ZNF646: variants seen among roughly 807,000 people sequenced by gnomAD.
The protein encoded by ZNF646 is zinc finger protein 646.
ZNF646 carries 49 observed loss-of-function variants against 115.4 expected under a neutral mutation model. The observed-to-expected ratio is 0.42, with a 90% CI of 0.34 to 0.54. The LOEUF (loss-of-function observed/expected upper bound fraction) is 0.54, where lower values mean the gene tolerates loss of function less well. Among genes scored for constraint, ZNF646 ranks in the 20% least tolerant of loss-of-function variants. The pLI is 0.04. For synonymous variants in ZNF646, 933 were observed against 939.0 expected, an observed-to-expected ratio of 0.99 and a Z score of 0.12; for missense variants, 2,269 against 2,457.9, an observed-to-expected ratio of 0.92 and a Z score of 1.62.
At position 31,078,984 on chromosome 16, in the gene ZNF646, G is replaced by A. The variant is rs770774602; in HGVS notation, c.2660G>A (p.Gly887Asp). Reference protein sequence around the residue: ...SAQPFLCCLCGMIFPGRAGYR... With the variant: ...SAQPFLCCLCDMIFPGRAGYR... ...CAGCCTTTCCTCTGCTGCCTCTGTG[G>A]CATGATCTTCCCTGGGCGGGCTGGC... Residue 887 changes from glycine to aspartate, a missense_variant, in exon 2 of 3, where the codon GGC becomes GAC. This residue lies in a region of ZNF646 where 852 missense variants were observed against 900.2 expected (regional missense o/e 0.95). Transcript: ENST00000300850. 3 of 1,605,634 alleles carry A rather than the reference G, an allele frequency of 1.9e-6. No individual in the cohort carries two copies. The highest frequency in any genetic ancestry group is 2.2e-5 in the South Asian group (2 of 90,742).
In ZNF646 at chr16:31,081,125, G is replaced by C; in HGVS notation, c.4801G>C (p.Ala1601Pro). The change falls in exon 2 of 3, where the codon GCC becomes CCC. Residue 1601 changes from alanine to proline, a missense_variant. Physicochemically the swap from Ala to Pro is conservative, Grantham distance 27. Transcript: ENST00000300850. ...AGCCTTTGAGTCCCACCAGGAACTG[G>C]CCAGCCACCTGCAGGCTCATGCCCG... ...GKAFESHQEL[A>P]SHLQAHARGH... The C allele has an allele frequency of 6.2e-7, 1 of 1,609,154 alleles. No homozygotes were observed. The highest frequency in any genetic ancestry group is 1.3e-5 in the African/African-American group (1 of 74,908).
chr16:31,077,262 A>G lies in ZNF646; in HGVS notation c.938A>G (p.Gln313Arg). 1 of 1,614,114 alleles carries G rather than the reference A, an allele frequency of 6.2e-7. No homozygotes were observed. The highest frequency in any genetic ancestry group is 8.5e-7 in the Non-Finnish European group (1 of 1,180,026). The change falls in exon 2 of 3, where the codon CAG becomes CGG. Residue 313 changes from glutamine to arginine, a missense_variant. By Grantham distance (43) the Gln-to-Arg change is conservative (BLOSUM62 1). Around this residue, in one of 5 missense-constraint regions of ZNF646, gnomAD observed 852 missense variants for 900.2 expected, o/e 0.95. Transcript: ENST00000300850. ...FRLPRELLEHQQSHEGERQEP... is the reference protein window; with the variant it reads ...FRLPRELLEHRQSHEGERQEP... ...CTCCCCCGGGAGCTGCTGGAACACC[A>G]GCAGTCCCATGAGGGTGAAAGGCAG...
chr16:31,079,240 C>A lies in ZNF646; in HGVS notation c.2916C>A (p.Ser972Arg), dbSNP rs2057121990. ...CCGQTYDDLG[S>R]LERHHQSQSS... ...GTCAGACCTACGATGACCTGGGGAG[C>A]CTGGAGCGTCACCACCAAAGTCAGA... is the stretch of plus-strand genomic sequence containing the variant. The change falls in exon 2 of 3, where the codon AGC (serine) becomes AGA (arginine). Residue 972 changes from serine to arginine, a missense_variant. This residue lies in a region of ZNF646 where 1,062 missense variants were observed against 1,172.8 expected (regional missense o/e 0.91). Coordinates refer to ENST00000300850, the MANE Select transcript of ZNF646 (RefSeq NM_014699.4). The surrounding 1 kb of genome is among the most constrained non-coding windows in gnomAD (Gnocchi z 5.5). The A allele has an allele frequency of 6.2e-7, 1 of 1,613,688 alleles. No homozygotes were observed. The highest frequency in any genetic ancestry group is 1.7e-5 in the Admixed American group (1 of 60,012).
Position 31,078,807 on chromosome 16 carries a change from A to G in ZNF646, c.2483A>G (p.His828Arg). Reference sequence around the variant, plus strand: ...GCTCACACATGCTCTGACTGTGGGCATTCTTTCCCCCATGCCACTGGCCTG... The same window carrying G: ...GCTCACACATGCTCTGACTGTGGGCGTTCTTTCCCCCATGCCACTGGCCTG... ...GAAHTCSDCG[H>R]SFPHATGLLS... Residue 828 changes from histidine to arginine, a missense_variant, in exon 2 of 3, where the codon CAT (histidine) becomes CGT (arginine). Physicochemically the swap from His to Arg is conservative, Grantham distance 29. Transcript: ENST00000300850. The G allele has an allele frequency of 6.2e-7, 1 of 1,613,940 alleles. No individual in the cohort carries two copies. The highest frequency in any genetic ancestry group is 8.5e-7 in the Non-Finnish European group (1 of 1,179,988).
rs2057053671 is a variant in ZNF646, at chr16:31,074,641, C to G, written c.-80+10C>G. 2 of 152,278 alleles carry G rather than the reference C, an allele frequency of 1.3e-5. No homozygotes were observed. Among genetic ancestry groups the G allele is most frequent in the African/African-American group, 4.8e-5 (2 of 41,452 alleles). The allele number at this position is 152,278 out of a possible 1,614,324, so 9.4% of individuals were successfully genotyped here. A position where few individuals can be genotyped will look rare whatever the true frequency, so the allele number is the denominator to read the frequency against. ...CGCGGCTGCAGTTAGGGTAAGGGTC[C>G]CAGTGCGCAGGCGCGCTCTTGTTCG... On this transcript the variant is annotated intron_variant, in intron 1 of 2. Transcript: ENST00000300850.
rs114426073 is a variant in ZNF646 at position 31,082,993 on chromosome 16, G to A, written c.5400G>A (p.Thr1800=). 2.9e-5 allele frequency: 46 copies of A among 1,601,166 alleles called. No homozygotes were observed. In the African/African-American group the frequency reaches 4.6e-4, roughly 16 times the overall value. Reference sequence around the variant, plus strand: ...CAGGAGCCCCAGTGGCACCAGTGACGGGCAGAGGGGACTTGCCATTGCCCC... The same window carrying A: ...CAGGAGCCCCAGTGGCACCAGTGACAGGCAGAGGGGACTTGCCATTGCCCC... ...AGSGAPVAPV[T]GRGDLPLPPP... is the part of the protein sequence containing the mutation. Residue 1800 remains threonine, a synonymous_variant, in exon 3 of 3, where the codon ACG becomes ACA. Coordinates refer to ENST00000300850, the MANE Select transcript of ZNF646 (RefSeq NM_014699.4).
intron 2 of ZNF646, 159 bp downstream of exon 2, chr16:31,081,860 G>C (rs2057166314): frequency 7.9e-7 from 1 of 1,272,088 alleles, no homozygotes; most frequent in Non-Finnish European, 1.1e-6. Flanking sequence ...GTAGCTTGAG[G>C]ATGTGCTGAG....
At chr16:31,076,195 G>A in intron 1 of ZNF646, 51 bp from the exon 2 acceptor site, 1 of 1,278,820 alleles carries the variant, frequency 7.8e-7, no homozygotes, top group African/African-American at 1.5e-5. Context: ...GTAGAGCCAA[G>A]AGGCGAAGTT....
chr16:31,082,455 G>A (rs2057175190), intron 2 of ZNF646: 1 of 183,658 alleles, frequency 5.4e-6, no homozygotes, highest in South Asian at 1.4e-4. Flanking sequence ...ACAGATAATT[G>A]TTTCCTTGAA....
Position 31,079,451 on chromosome 16 carries a change from A to G in ZNF646, c.3127A>G (p.Ser1043Gly). The change falls in exon 2 of 3, where the codon AGT becomes GGT. Residue 1043 changes from serine (S) to glycine (G), a missense_variant. Ser to Gly is a moderately conservative substitution (Grantham distance 56, BLOSUM62 0). Around this residue, in one of 5 missense-constraint regions of ZNF646, gnomAD observed 1,062 missense variants for 1,172.8 expected, o/e 0.91. Coordinates refer to ENST00000300850, the MANE Select transcript of ZNF646 (RefSeq NM_014699.4). The surrounding 1 kb of genome is among the most constrained non-coding windows in gnomAD (Gnocchi z 5.5). Reference protein sequence around the residue: ...GDSLCIQGGESLLEAQPRPFR... With the variant: ...GDSLCIQGGEGLLEAQPRPFR... Reference sequence around the variant, plus strand: ...CAGCCTCTGCATCCAGGGTGGGGAAAGTTTGTTGGAGGCTCAGCCCCGCCC... The same window carrying G: ...CAGCCTCTGCATCCAGGGTGGGGAAGGTTTGTTGGAGGCTCAGCCCCGCCC... 1 of 1,613,618 alleles carries G rather than the reference A, an allele frequency of 6.2e-7. No individual in the cohort carries two copies. The highest frequency in any genetic ancestry group is 1.3e-5 in the African/African-American group (1 of 74,980).
chr16:31,076,460 C>T lies in ZNF646; in HGVS notation c.136C>T (p.Arg46Trp), dbSNP rs374437036. The T allele has an allele frequency of 2.2e-5, 36 of 1,614,062 alleles. No individual in the cohort carries two copies. Among genetic ancestry groups the T allele is most frequent in the Non-Finnish European group, 2.7e-5 (32 of 1,180,018 alleles). The change falls in exon 2 of 3, where the codon CGG (arginine) becomes TGG (tryptophan). Residue 46 changes from arginine to tryptophan, a missense_variant. Transcript: ENST00000300850. ...CAGTGAGGAGGCTGACAGCATCCCT[C>T]GGCCCTACCGTTGTCAGCAGTGTGG... The part of the protein sequence containing the change: ...QDSEEADSIP[R>W]PYRCQQCGRG...
rs2057073751 is a variant in ZNF646, at chr16:31,076,255, C to T, written c.-70C>T. ...TGCCCCCTCTTCCTAGGCCTTGGCCCCTCCACCAGAGGAAGGTGCTGCCAC... is the reference window on the plus strand; with the variant it reads ...TGCCCCCTCTTCCTAGGCCTTGGCCTCTCCACCAGAGGAAGGTGCTGCCAC... On this transcript the variant is annotated 5_prime_UTR_variant, in exon 2 of 3. Transcript: ENST00000300850. 1 of 1,534,246 alleles carries T rather than the reference C, an allele frequency of 6.5e-7. No homozygotes were observed. The highest frequency in any genetic ancestry group is 2.0e-5 in the Admixed American group (1 of 50,138).
chr16:31,073,445 C>T (rs1328726184), upstream of ZNF646: 4 of 152,198 alleles, frequency 2.6e-5, no homozygotes. Flanking sequence ...GCCTGGGTGT[C>T]CGCAGCCCAG....
Position 31,076,762 on chromosome 16 carries a change from G to T in ZNF646, c.438G>T (p.Glu146Asp). Residue 146 changes from glutamate (E) to aspartate (D), a missense_variant, in exon 2 of 3, where the codon GAG becomes GAT. Glu to Asp is a conservative substitution (Grantham distance 45). Transcript: ENST00000300850. Reference sequence around the variant, plus strand: ...AAAACCAGACAAAACATACAGAAGAGACACCTGACTGTGAATCTGTACCTG... The same window carrying T: ...AAAACCAGACAAAACATACAGAAGATACACCTGACTGTGAATCTGTACCTG... ...GWENQTKHTEETPDCESVPDP... is the reference protein window; with the variant it reads ...GWENQTKHTEDTPDCESVPDP... The T allele has an allele frequency of 6.2e-7, 1 of 1,613,856 alleles. No individual in the cohort carries two copies. Among genetic ancestry groups the T allele is most frequent in the Non-Finnish European group, 8.5e-7 (1 of 1,180,034 alleles).
Position 31,081,052 on chromosome 16 carries a change from C to T in ZNF646, c.4728C>T (p.Ser1576=). The T allele has an allele frequency of 6.2e-7, 1 of 1,614,048 alleles. No homozygotes were observed. Among genetic ancestry groups the T allele is most frequent in the Non-Finnish European group, 8.5e-7 (1 of 1,180,022 alleles). ...FLNPVATKSH[S]HNHIDAQTFA... Reference sequence around the variant, plus strand: ...ATCCTGTGGCCACAAAGAGCCACAGCCACAACCACATAGACGCCCAGACCT... The same window carrying T: ...ATCCTGTGGCCACAAAGAGCCACAGTCACAACCACATAGACGCCCAGACCT... Residue 1576 remains serine (S), a synonymous_variant, in exon 2 of 3, where the codon AGC becomes AGT. Transcript: ENST00000300850.
At chr16:31,075,757 C>G (rs1289993352) in intron 1 of ZNF646, 1 of 152,240 alleles carries the variant, frequency 6.6e-6, no homozygotes, top group African/African-American at 2.4e-5. Context: ...CTGGAGGAAA[C>G]AGCTGCTTTT....
At chr16:31,073,864 G>GAAGC (rs2057040202), upstream of ZNF646, 1 of 152,234 alleles carries the variant, frequency 6.6e-6, no homozygotes, top group Non-Finnish European at 1.5e-5. Flanking sequence ...TGGCGGCAGA[G>GAAGC]AAGCATCTTG....
Position 31,080,102 on chromosome 16 carries a change from T to C in ZNF646, c.3778T>C (p.Cys1260Arg). Residue 1260 changes from cysteine (C) to arginine (R), a missense_variant, in exon 2 of 3, where the codon TGC becomes CGC. Transcript: ENST00000300850. The stretch of plus-strand genomic sequence containing the variant: ...CCATGCAGATCCCCGACGTTTCCGC[T>C]GCAGCGAGTGTGGGAAGGCCTTCCG... ...RIHADPRRFRCSECGKAFRLR... is the reference protein window; with the variant it reads ...RIHADPRRFRRSECGKAFRLR... The C allele has an allele frequency of 6.2e-7, 1 of 1,613,140 alleles. No individual in the cohort carries two copies. The highest frequency in any genetic ancestry group is 8.5e-7 in the Non-Finnish European group (1 of 1,179,888).
In ZNF646 at chr16:31,081,709, G is replaced by T. The variant is rs1211478492; in HGVS notation, c.5377+8G>T. ...GGACGGTGGCCGGCTCCGGTAGGGG[G>T]CATGAAGGGTCCCAGGAGGAGGTGG... On this transcript the variant is annotated splice_region_variant and intron_variant, in intron 2 of 2. Coordinates refer to ENST00000300850, the MANE Select transcript of ZNF646 (RefSeq NM_014699.4). The T allele has an allele frequency of 1.2e-5, 19 of 1,569,612 alleles. No individual in the cohort carries two copies. The highest frequency in any genetic ancestry group is 1.6e-5 in the Non-Finnish European group (19 of 1,155,844).
Sources: gnomAD v4.1 joint callset for allele counts on GRCh38, gnomAD v4.1.1 for gene constraint, gnomAD v4.1.1 regional missense constraint, Gnocchi (gnomAD v3.1) non-coding constraint, MANE v1.5 for transcripts, NCBI Gene and HGNC (gene_info 2026-07-23, HGNC 2026-07-21) for gene names.